Variants in PCCA observed in about 807,000 individuals in gnomAD.
PCCA encodes the protein propionyl-CoA carboxylase alpha chain, mitochondrial.
In PCCA, 74 loss-of-function variants were observed where a neutral mutation model predicts 101.3. The observed-to-expected ratio is 0.73, with a 90% confidence interval of 0.61 to 0.89. The LOEUF (loss-of-function observed/expected upper bound fraction) is 0.89, where lower values mean the gene tolerates loss of function less well. PCCA is among the 40% of genes least tolerant of loss of function. PCCA has a pLI of 0.00. For missense variants in PCCA, 891 were observed against 907.0 expected, an observed-to-expected ratio of 0.98 and a Z score of 0.23; for synonymous variants, 294 against 313.6, an observed-to-expected ratio of 0.94 and a Z score of 0.66.
At chr13:100,380,326 C>A (rs1313648922) in intron 19 of PCCA, among the ~76,000 whole-genome samples, 1 of 152,176 alleles carries the variant, frequency 6.6e-6, no homozygotes, top group East Asian at 1.9e-4. Context: ...CACACCACTG[C>A]ACTCCAGCCT....
intron 4 of PCCA, among the ~76,000 whole-genome samples, chr13:100,136,685 T>C (rs2152334709): frequency 6.6e-6 from 1 of 152,338 alleles, no homozygotes; most frequent in South Asian, 2.1e-4. Flanking sequence ...GTCCAATTTA[T>C]GCACATAGAA....
chr13:100,191,319 G>A (rs1207931475), intron 6 of PCCA, among the ~76,000 whole-genome samples: 22 of 152,154 alleles, frequency 1.4e-4, no homozygotes, highest in Non-Finnish European at 2.5e-4. Context: ...TCAGGAATGA[G>A]GCCCATGGAA....
chr13:100,467,892 A>T (rs1475486977), intron 21 of PCCA, among the ~76,000 whole-genome samples: 1 of 152,160 alleles, frequency 6.6e-6, no homozygotes, highest in African/African-American at 2.4e-5. Context: ...GTGGTGAAGA[A>T]GGTTTTCAAT....
chr13:100,380,256 G>T (rs1380271379), intron 19 of PCCA, among the ~76,000 whole-genome samples: 2 of 152,080 alleles, frequency 1.3e-5, no homozygotes, highest in African/African-American at 4.8e-5. Flanking sequence ...CAGCTACCTA[G>T]AAGGCTGGGG....
At chr13:100,520,422 C>T (rs1417078632) in intron 22 of PCCA, among the ~76,000 whole-genome samples, 15 of 151,790 alleles carry the variant, frequency 9.9e-5, no homozygotes, top group Non-Finnish European at 1.6e-4. Context: ...CCGAGGCGGG[C>T]GGATCACGAG....
intron 21 of PCCA, among the ~76,000 whole-genome samples, chr13:100,497,234 A>G (rs1216534385): frequency 2.0e-5 from 3 of 152,234 alleles, no homozygotes; most frequent in African/African-American, 7.2e-5. Flanking sequence ...CTTAGAAAAT[A>G]AAAATCATCT....
At chr13:100,189,115 C>G (rs891755641) in intron 6 of PCCA, among the ~76,000 whole-genome samples, 5 of 152,058 alleles carry the variant, frequency 3.3e-5, no homozygotes, top group African/African-American at 1.2e-4. Context: ...TCAACTCCCA[C>G]TTATGAGTGA....
intron 19 of PCCA, among the ~76,000 whole-genome samples, chr13:100,418,162 C>A (rs558002132): frequency 6.6e-6 from 1 of 152,304 alleles, no homozygotes; most frequent in Admixed American, 6.5e-5. Context: ...CTCATGAATA[C>A]CCTTAACTGC....
At chr13:100,495,967 T>C in intron 21 of PCCA, among the ~76,000 whole-genome samples, 1 of 150,536 alleles carries the variant, frequency 6.6e-6, no homozygotes, top group East Asian at 2.0e-4. Context: ...ATTCCTCTCT[T>C]TCTCTCTCTC....
intron 12 of PCCA, among the ~76,000 whole-genome samples, chr13:100,274,336 GTA>G (rs1489367193): frequency 6.6e-6 from 1 of 152,102 alleles, no homozygotes; most frequent in African/African-American, 2.4e-5. Flanking sequence ...TGGAACTCCT[GTA>G]TGATACATTT....
At chr13:100,252,278 CCT>C (rs2061805985) in intron 8 of PCCA, among the ~76,000 whole-genome samples, 1 of 152,108 alleles carries the variant, frequency 6.6e-6, no homozygotes, top group Non-Finnish European at 1.5e-5. Context: ...GAAACAAAGG[CCT>C]TGTAGTTAAT....
At chr13:100,228,490 G>T (rs2060280553) in intron 7 of PCCA, among the ~76,000 whole-genome samples, 1 of 152,116 alleles carries the variant, frequency 6.6e-6, no homozygotes, top group Admixed American at 6.5e-5. Flanking sequence ...GCTGTCTTAA[G>T]AATATTTTAA....
rs559549887 is a variant in PCCA, at chr13:100,228,212, C to T, written c.601-7630C>T. On this transcript the variant is annotated intron_variant, in intron 7 of 23. Coordinates refer to ENST00000376285, the MANE Select transcript of PCCA (RefSeq NM_000282.4). ...TGTATTTTTAGTAAATATGGGATTT[C>T]ACCATGTCGGCCAGGCTGGTCTCGA... is the stretch of plus-strand genomic sequence containing the variant. 1.1e-4 allele frequency among the ~76,000 whole-genome samples: 16 copies of T among 152,116 alleles called. No homozygotes were observed. In the East Asian group the frequency reaches 3.1e-3, roughly 30 times the overall value.
chr13:100,284,851 G>T (rs572420971), intron 12 of PCCA, among the ~76,000 whole-genome samples: 2 of 152,290 alleles, frequency 1.3e-5, no homozygotes, highest in South Asian at 4.1e-4. Flanking sequence ...AGCCCTCATC[G>T]GTTTGGTCAG....
intron 21 of PCCA, among the ~76,000 whole-genome samples, chr13:100,457,691 A>G (rs1222597351): frequency 6.6e-6 from 1 of 152,196 alleles, no homozygotes; most frequent in Non-Finnish European, 1.5e-5. Flanking sequence ...TTTACTGTAC[A>G]AGCATCTTTG....
At chr13:100,435,290 C>T (rs1595889929) in intron 20 of PCCA, among the ~76,000 whole-genome samples, 1 of 152,098 alleles carries the variant, frequency 6.6e-6, no homozygotes, top group South Asian at 2.1e-4. Flanking sequence ...TGAGAGAGAA[C>T]GGGGAGGTGC....
chr13:100,376,664 C>G (rs564120049), intron 19 of PCCA, among the ~76,000 whole-genome samples: 2 of 152,176 alleles, frequency 1.3e-5, no homozygotes, highest in African/African-American at 4.8e-5. Flanking sequence ...TGGTGGATGA[C>G]CCTCCCTGCC....
chr13:100,330,603 A>C lies in PCCA; in HGVS notation c.1472A>C (p.Asn491Thr). The C allele has an allele frequency of 6.2e-7, 1 of 1,612,204 alleles. No individual in the cohort carries two copies. Among genetic ancestry groups the C allele is most frequent in the Non-Finnish European group, 8.5e-7 (1 of 1,178,516 alleles). The change falls in exon 17 of 24, where the codon AAC becomes ACC. Residue 491 changes from asparagine (N) to threonine (T), a missense_variant. Physicochemically the swap from Asn to Thr is moderately conservative, Grantham distance 65 (BLOSUM62 0). Transcript: ENST00000376285. The part of the protein sequence containing the change: ...NIALLREVII[N>T]SRFVKGDIST... ...GCATTACTTCGAGAGGTGATAATCAACTCACGCTTTGTAAAAGGAGACATC... is the reference window on the plus strand; with the variant it reads ...GCATTACTTCGAGAGGTGATAATCACCTCACGCTTTGTAAAAGGAGACATC...
At position 100,517,046 on chromosome 13, in the gene PCCA, CGTGTGTGTGTGTGT is replaced by C. The variant is rs3840814; in HGVS notation, c.2040+1510_2040+1523del. ...AATTGTGTGGCTTTAATTATAAAAT[CGTGTGTGTGTGTGT>C]GTGTGTGTGTGTGTGTGTGTGTGTG... On this transcript the variant is annotated intron_variant, in intron 22 of 23. Transcript: ENST00000376285. 4.0e-3 allele frequency among the ~76,000 whole-genome samples: 532 copies of C among 133,062 alleles called. 4 individuals are homozygous for C. The highest frequency in any genetic ancestry group is 0.012 in the African/African-American group (433 of 35,156). 87.3% of individuals were successfully genotyped at this position (133,062 alleles called of 152,430 possible). A position where few individuals can be genotyped will look rare whatever the true frequency, so the allele number is the denominator to read the frequency against.
Sources: gnomAD v4.1 joint callset for allele counts (sites outside exome capture counted in the v4.1 genomes callset) on GRCh38, gnomAD v4.1.1 for gene constraint, MANE v1.5 for transcripts, NCBI Gene and HGNC (gene_info 2026-07-23, HGNC 2026-07-21) for gene names.